The following SH3GL1 variants were observed in gnomAD, a reference collection of about 807,000 sequenced individuals.
SH3GL1 encodes endophilin-A2.
A neutral mutation model predicts 48.8 loss-of-function variants in SH3GL1; 21 were observed. That is an observed-to-expected ratio of 0.43 (90% CI 0.30 to 0.62). SH3GL1 has a LOEUF of 0.62. SH3GL1 is among the 20% of genes least tolerant of loss of function. The probability of loss-of-function intolerance (pLI) is 0.11; values close to 1 mark genes in which losing one functional copy is unlikely to be tolerated. For missense variants in SH3GL1, 454 were observed against 503.0 expected (o/e 0.90, Z 0.93); for synonymous variants, 282 against 217.5 (o/e 1.30, Z -2.61).
chr19:4,396,963 T>C (rs1973437082), intron 1 of SH3GL1, among the ~76,000 whole-genome samples: 1 of 152,190 alleles, frequency 6.6e-6, no homozygotes, highest in African/African-American at 2.4e-5. Context: ...CAAGACCAGC[T>C]GAGACCTACT....
In SH3GL1 at chr19:4,367,694, T is replaced by C. The variant is rs976682490; in HGVS notation, c.46-700A>G. Among the ~76,000 whole-genome samples, 3 of 152,090 alleles carry C rather than the reference T, an allele frequency of 2.0e-5. No individual in the cohort carries two copies. The highest frequency in any genetic ancestry group is 6.5e-5 in the Admixed American group (1 of 15,274). On this transcript the variant is annotated intron_variant, in intron 1 of 9. Coordinates refer to ENST00000269886, the MANE Select transcript of SH3GL1 (RefSeq NM_003025.4). The surrounding 1 kb of genome is among the most constrained non-coding windows in gnomAD (Gnocchi z 4.2). ...ACTTACAGCGTCTTTCCTCGTGTGG[T>C]GGGAAGGCAGAAGCAAGCACTGAAT... is the stretch of plus-strand genomic sequence containing the variant.
rs572316012 is a variant in SH3GL1 at position 4,365,621 on chromosome 19, C to A, written c.192G>T (p.Ser64=). The A allele has an allele frequency of 1.2e-5, 19 of 1,613,872 alleles. No individual in the cohort carries two copies. The East Asian group carries it at 2.7e-4, about 23-fold the overall frequency. The change falls in exon 4 of 10, where the codon TCG becomes TCT. Residue 64 remains serine (S), a synonymous_variant. Transcript: ENST00000269886. ...TIEYLQPNPA[S]RAKLTMLNTV... ...TGTTGAGCATGGTCAGCTTAGCCCG[C>A]GAGGCTGGGATAGGATGGCCAGGTG...
chr19:4,393,225 C>T (rs972373035), intron 1 of SH3GL1, among the ~76,000 whole-genome samples: 1 of 152,006 alleles, frequency 6.6e-6, no homozygotes, highest in Admixed American at 6.6e-5. Flanking sequence ...TGCGCCACTG[C>T]ATTCCAGCCT....
chr19:4,365,386 C>T (rs1207030433), intron 4 of SH3GL1, 96 bp downstream of exon 4: 9 of 1,523,912 alleles, frequency 5.9e-6, no homozygotes, highest in East Asian at 4.5e-5. Flanking sequence ...TGTACGTCCC[C>T]GGCACTCAGC....
intron 1 of SH3GL1, among the ~76,000 whole-genome samples, chr19:4,378,126 G>A (rs750171787): frequency 9.2e-5 from 14 of 152,236 alleles, no homozygotes; most frequent in African/African-American, 1.4e-4. Flanking sequence ...CCCAGGTGGC[G>A]TCAGTCACTG....
chr19:4,392,518 TCA>T (rs60108906), intron 1 of SH3GL1, among the ~76,000 whole-genome samples: 27,909 of 136,552 alleles, frequency 0.2, 2,690 homozygotes, highest in Non-Finnish European at 0.21. Context: ...CAAGACTCCG[TCA>T]CACACACACA....
intron 1 of SH3GL1, among the ~76,000 whole-genome samples, chr19:4,369,940 G>C (rs1599598626): frequency 6.6e-6 from 1 of 152,240 alleles, no homozygotes; most frequent in East Asian, 1.9e-4. Flanking sequence ...CACGGGAAAA[G>C]CAAGGCAGCC....
At chr19:4,385,543 T>G (rs1351349519) in intron 1 of SH3GL1, among the ~76,000 whole-genome samples, 2 of 152,034 alleles carry the variant, frequency 1.3e-5, no homozygotes, top group East Asian at 3.9e-4. Flanking sequence ...CTGCCCTCCC[T>G]CCCAGCAGCA....
intron 1 of SH3GL1, among the ~76,000 whole-genome samples, chr19:4,384,937 C>T (rs1488922298): frequency 6.6e-6 from 1 of 152,062 alleles, no homozygotes; most frequent in Non-Finnish European, 1.5e-5. Context: ...AACCTTGTCC[C>T]TACTAAAAAT....
chr19:4,393,374 C>CT (rs1017117829), intron 1 of SH3GL1, among the ~76,000 whole-genome samples: 1 of 152,148 alleles, frequency 6.6e-6, no homozygotes, highest in African/African-American at 2.4e-5. Context: ...AATCCCAGCA[C>CT]TTTGAGAGAA....
chr19:4,364,866 T>TG, intron 4 of SH3GL1, among the ~76,000 whole-genome samples: 1 of 97,130 alleles, frequency 1.0e-5, no homozygotes, highest in East Asian at 3.0e-4. Flanking sequence ...ACCCGGCTAA[T>TG]TGTGTGTGTG....
chr19:4,399,641 A>G (rs77946347), intron 1 of SH3GL1, among the ~76,000 whole-genome samples: 163 of 133,950 alleles, frequency 1.2e-3, no homozygotes, highest in Admixed American at 2.7e-3. Flanking sequence ...ACGGAGAACA[A>G]TCCAGCCCCA....
At position 4,361,427 on chromosome 19, in the gene SH3GL1, C is replaced by G; in HGVS notation, c.*173G>C. 1 of 595,926 alleles carries G rather than the reference C, an allele frequency of 1.7e-6. No homozygotes were observed. The allele number at this position is 595,926 out of a possible 1,614,324, so 36.9% of individuals were successfully genotyped here. ...AGGCATCCCCACCCACCCAGATAAG[C>G]CCCCCCACCCAAGTGTGGGGTCCTG... On this transcript the variant is annotated 3_prime_UTR_variant, in exon 10 of 10. Transcript: ENST00000269886.
chr19:4,391,870 CGCCGGCTCCAAT>C (rs1011827511), intron 1 of SH3GL1, among the ~76,000 whole-genome samples: 24 of 152,356 alleles, frequency 1.6e-4, no homozygotes, highest in African/African-American at 2.2e-4. Context: ...GGGTCCACGC[CGCCGGCTCCAAT>C]GCCGGCTCCA....
chr19:4,382,259 T>C (rs1468790192), intron 1 of SH3GL1, among the ~76,000 whole-genome samples: 2 of 140,856 alleles, frequency 1.4e-5, no homozygotes, highest in Non-Finnish European at 3.1e-5. Flanking sequence ...CTTTCTTTTT[T>C]TTTTTTTTTT....
chr19:4,397,516 T>C (rs1973446974), intron 1 of SH3GL1, among the ~76,000 whole-genome samples: 1 of 151,480 alleles, frequency 6.6e-6, no homozygotes, highest in African/African-American at 2.4e-5. Flanking sequence ...TCGCTGGGAG[T>C]GGGGGTGGTG....
At chr19:4,372,039 C>T (rs1599601114) in intron 1 of SH3GL1, among the ~76,000 whole-genome samples, 1 of 152,178 alleles carries the variant, frequency 6.6e-6, no homozygotes. Flanking sequence ...GTCTCAAACT[C>T]GGCCTCAAGC....
chr19:4,377,055 T>G (rs1210558087), intron 1 of SH3GL1, among the ~76,000 whole-genome samples: 8 of 152,206 alleles, frequency 5.3e-5, no homozygotes, highest in Non-Finnish European at 8.8e-5. Flanking sequence ...CTGACACTGA[T>G]GGAGGCCGCC....
intron 7 of SH3GL1, 113 bp from the exon 8 acceptor site, chr19:4,362,849 T>A: frequency 6.5e-7 from 1 of 1,535,798 alleles, no homozygotes; most frequent in East Asian, 2.3e-5. Flanking sequence ...GAAGAGGCCG[T>A]CAGTGGGGTT....
Sources: allele counts gnomAD v4.1 joint callset (sites outside exome capture counted in the v4.1 genomes callset), GRCh38; gene constraint gnomAD v4.1.1; non-coding constraint Gnocchi (gnomAD v3.1); transcripts MANE v1.5; gene names NCBI Gene and HGNC (gene_info 2026-07-23, HGNC 2026-07-21).